Variants in SIPA1L3 observed in about 807,000 individuals in gnomAD.
SIPA1L3 encodes signal induced proliferation associated 1 like 3.
SIPA1L3 carries 59 observed loss-of-function variants against 150.1 expected under a neutral mutation model. The ratio of observed to expected loss-of-function variants is 0.39; its 90% confidence interval spans 0.32 to 0.49. SIPA1L3 has a LOEUF of 0.49. Among genes scored for constraint, SIPA1L3 ranks in the 20% least tolerant of loss-of-function variants. The pLI is 0.86. For missense variants in SIPA1L3, 2,211 were observed against 2,489.5 expected (o/e 0.89, Z 2.38); for synonymous variants, 1,070 against 1,077.6 (o/e 0.99, Z 0.14).
intron 2 of SIPA1L3, among the ~76,000 whole-genome samples, chr19:38,057,539 G>T (rs1458397973): frequency 6.6e-6 from 1 of 151,822 alleles, no homozygotes; most frequent in Non-Finnish European, 1.5e-5. Context: ...GCTCATTGAG[G>T]TTGGGTTTTT....
At chr19:38,167,143 G>C (rs1012500227) in intron 15 of SIPA1L3, among the ~76,000 whole-genome samples, 1 of 145,560 alleles carries the variant, frequency 6.9e-6, no homozygotes, top group African/African-American at 2.5e-5. Context: ...TGAGGCAGGA[G>C]AATCGCTTGA....
chr19:38,089,761 T>C lies in SIPA1L3; in HGVS notation c.1665+910T>C, dbSNP rs1383213525. On this transcript the variant is annotated intron_variant, in intron 4 of 21. Coordinates refer to ENST00000222345, the MANE Select transcript of SIPA1L3 (RefSeq NM_015073.3). ...CCCATGCTCTATTAGGACTCTAAAT[T>C]GTAAGTGACAGAAATCTATTTCTAA... Among the ~76,000 whole-genome samples the C allele has an allele frequency of 2.0e-5, 3 of 152,244 alleles. No homozygotes were observed. In the East Asian group the frequency reaches 5.8e-4, roughly 29 times the overall value.
intron 2 of SIPA1L3, among the ~76,000 whole-genome samples, chr19:38,063,986 C>T (rs769090621): frequency 5.9e-5 from 9 of 152,222 alleles, no homozygotes; most frequent in Non-Finnish European, 1.2e-4. Context: ...CAACAGAGGC[C>T]TCTCACCTGC....
At chr19:37,932,965 C>T (rs1042083875) in intron 1 of SIPA1L3, among the ~76,000 whole-genome samples, 4 of 152,124 alleles carry the variant, frequency 2.6e-5, no homozygotes, top group African/African-American at 9.7e-5. Context: ...TGTGCCGGGG[C>T]TGGGGGCGAT....
intron 2 of SIPA1L3, among the ~76,000 whole-genome samples, chr19:38,034,689 A>T (rs1305110187): frequency 1.3e-5 from 2 of 152,052 alleles, no homozygotes; most frequent in Non-Finnish European, 2.9e-5. Context: ...ACTACCTCCC[A>T]CTGGTTCAGG....
At chr19:38,170,685 C>A (rs1476306685) in intron 15 of SIPA1L3, among the ~76,000 whole-genome samples, 1 of 152,128 alleles carries the variant, frequency 6.6e-6, no homozygotes, top group Non-Finnish European at 1.5e-5. Context: ...GTGAATAATG[C>A]CAAAAGTCAT....
chr19:38,021,544 CTT>C (rs34706897), intron 1 of SIPA1L3, among the ~76,000 whole-genome samples: 20 of 143,322 alleles, frequency 1.4e-4, no homozygotes, highest in Middle Eastern at 3.5e-3. Context: ...GAGTCTGATC[CTT>C]TTTTTTTTTT....
At chr19:38,177,231 G>C (rs1322013903) in intron 15 of SIPA1L3, among the ~76,000 whole-genome samples, 1 of 150,306 alleles carries the variant, frequency 6.7e-6, no homozygotes, top group Non-Finnish European at 1.5e-5. Context: ...TGTGGTGGTG[G>C]GCGCCTGTAG....
At chr19:38,018,599 T>C (rs965514372) in intron 1 of SIPA1L3, among the ~76,000 whole-genome samples, 1 of 152,208 alleles carries the variant, frequency 6.6e-6, no homozygotes, top group Non-Finnish European at 1.5e-5. Context: ...TCTTGCTTCA[T>C]TCCTTTTATG....
Position 38,204,158 on chromosome 19 carries a change from G to A in SIPA1L3, c.5152G>A (p.Val1718Met), listed in dbSNP as rs1973152581. The change falls in exon 21 of 22, where the codon GTG becomes ATG. Residue 1718 changes from valine (V) to methionine (M), a missense_variant. Physicochemically the swap from Val to Met is conservative, Grantham distance 21. Transcript: ENST00000222345. Reference sequence around the variant, plus strand: ...GCCACCCCTGGATCTGACAGGCAAGGTGTACCAGCTGGAGGTGATGCTGAA... The same window carrying A: ...GCCACCCCTGGATCTGACAGGCAAGATGTACCAGCTGGAGGTGATGCTGAA... ...EEPPLDLTGK[V>M]YQLEVMLKQL... 1.3e-6 allele frequency: 2 copies of A among 1,560,512 alleles called. No individual in the cohort carries two copies. The highest frequency in any genetic ancestry group is 1.7e-6 in the Non-Finnish European group (2 of 1,151,376).
At chr19:38,192,666 G>T (rs1972830170) in intron 17 of SIPA1L3, among the ~76,000 whole-genome samples, 1 of 152,174 alleles carries the variant, frequency 6.6e-6, no homozygotes, top group Non-Finnish European at 1.5e-5. Flanking sequence ...GGGGCTCCCA[G>T]AGGAAGTTCA....
intron 9 of SIPA1L3, among the ~76,000 whole-genome samples, chr19:38,120,573 A>G (rs1970993047): frequency 6.6e-6 from 1 of 152,258 alleles, no homozygotes; most frequent in Non-Finnish European, 1.5e-5. Context: ...AGGTGAGAGG[A>G]GGAAAAAATA....
At chr19:37,983,755 A>G (rs750148328) in intron 1 of SIPA1L3, among the ~76,000 whole-genome samples, 8 of 151,748 alleles carry the variant, frequency 5.3e-5, no homozygotes, top group Non-Finnish European at 1.0e-4. Context: ...AAAACACAAA[A>G]ATTAGCTGGG....
chr19:38,115,513 C>T (rs572430667), intron 8 of SIPA1L3, among the ~76,000 whole-genome samples: 1 of 152,330 alleles, frequency 6.6e-6, no homozygotes, highest in African/African-American at 2.4e-5. Context: ...TGGTTGCCTG[C>T]TCCCATGGTA....
At chr19:38,199,446 G>A (rs560854063) in intron 19 of SIPA1L3, among the ~76,000 whole-genome samples, 8 of 152,232 alleles carry the variant, frequency 5.3e-5, no homozygotes, top group Non-Finnish European at 1.0e-4. Context: ...ACTCCCAGCC[G>A]CTCCGTGTGC....
intron 2 of SIPA1L3, among the ~76,000 whole-genome samples, chr19:38,035,359 A>G (rs1968756063): frequency 6.6e-6 from 1 of 152,124 alleles, no homozygotes; most frequent in South Asian, 2.1e-4. Context: ...ACCCTGGTAT[A>G]CAGTATGTTG....
chr19:38,038,648 A>T (rs550051017), intron 2 of SIPA1L3, among the ~76,000 whole-genome samples: 102 of 152,208 alleles, frequency 6.7e-4, no homozygotes, highest in African/African-American at 2.4e-3. Flanking sequence ...ACAGGAAAGA[A>T]ACCCGCTTCT....
chr19:38,142,560 T>C lies in SIPA1L3; in HGVS notation c.3396-13T>C, dbSNP rs2145942838. 1 of 1,598,508 alleles carries C rather than the reference T, an allele frequency of 6.3e-7. No homozygotes were observed. Among genetic ancestry groups the C allele is most frequent in the Non-Finnish European group, 8.6e-7 (1 of 1,168,616 alleles). On this transcript the variant is annotated splice_polypyrimidine_tract_variant and intron_variant, in intron 11 of 21. Transcript: ENST00000222345. ...CTCACCCTCTGCCTCCTTCCTCCCC[T>C]GTCTCCTTCTAGGCCTGTCAGCTTC...
At chr19:38,205,021 G>A (rs558720224) in intron 21 of SIPA1L3, among the ~76,000 whole-genome samples, 43 of 152,178 alleles carry the variant, frequency 2.8e-4, no homozygotes, top group Non-Finnish European at 5.1e-4. Flanking sequence ...AAGAAGTCCA[G>A]TAACTTACAT....
Sources: allele counts gnomAD v4.1 joint callset (sites outside exome capture counted in the v4.1 genomes callset), GRCh38; gene constraint gnomAD v4.1.1; transcripts MANE v1.5; gene names NCBI Gene and HGNC (gene_info 2026-07-23, HGNC 2026-07-21).